Variants in SUMF1 observed in about 807,000 individuals in gnomAD.
The protein encoded by SUMF1 is sulfatase modifying factor 1.
SUMF1 carries 48 observed loss-of-function variants against 47.6 expected under a neutral mutation model. The ratio of observed to expected loss-of-function variants is 1.01; its 90% confidence interval spans 0.80 to 1.28. The LOEUF is 1.28. Ranked by LOEUF, SUMF1 falls within the 50% of genes most tolerant of loss-of-function variation. The probability of loss-of-function intolerance (pLI) is 0.00; values close to 1 mark genes in which losing one functional copy is unlikely to be tolerated. For synonymous variants in SUMF1, 230 were observed against 192.1 expected (o/e 1.20, Z -1.63); for missense variants, 571 against 485.4 (o/e 1.18, Z -1.66).
intron 8 of SUMF1, among the ~76,000 whole-genome samples, chr3:4,219,217 AATAC>A (rs1400272632): frequency 6.6e-6 from 1 of 152,216 alleles, no homozygotes; most frequent in African/African-American, 2.4e-5. Context: ...CATATAAATA[AATAC>A]AAAGTACCTT....
At chr3:4,146,712 G>A (rs1189473319) in intron 8 of SUMF1, among the ~76,000 whole-genome samples, 1 of 139,500 alleles carries the variant, frequency 7.2e-6, no homozygotes, top group Admixed American at 7.5e-5. Flanking sequence ...ACAGGCCCCA[G>A]TGTGTGATGT....
chr3:4,109,406 G>C (rs554174251), intron 8 of SUMF1, among the ~76,000 whole-genome samples: 1 of 152,098 alleles, frequency 6.6e-6, no homozygotes, highest in Non-Finnish European at 1.5e-5. Context: ...ATGTGTCTTG[G>C]AGTTGCTCTT....
At chr3:4,138,417 T>C (rs746970333) in intron 8 of SUMF1, among the ~76,000 whole-genome samples, 2 of 152,120 alleles carry the variant, frequency 1.3e-5, no homozygotes, top group Non-Finnish European at 2.9e-5. Flanking sequence ...TGATTTATGA[T>C]GGGGGCTTTT....
At position 4,173,606 on chromosome 3, in the gene SUMF1, A is replaced by G. The variant is rs547680875; in HGVS notation, c.1015-104861T>C. ...TATGTTTATTGAAGCACTATTCACA[A>G]TAGTAAAGATTTGGAACCAATCCAA... On this transcript the variant is annotated intron_variant and NMD_transcript_variant, in intron 8 of 12. Transcript: ENST00000448413. Among the ~76,000 whole-genome samples, 58 of 152,196 alleles carry G rather than the reference A, an allele frequency of 3.8e-4. 2 individuals are homozygous for G. Among genetic ancestry groups the G allele is most frequent in the Admixed American group, 3.6e-3 (55 of 15,278 alleles).
intron 8 of SUMF1, among the ~76,000 whole-genome samples, chr3:4,367,540 C>G (rs1395809137): frequency 6.6e-6 from 1 of 151,560 alleles, no homozygotes; most frequent in African/African-American, 2.4e-5. Context: ...CAATCCTAAG[C>G]CAAAAGAACA....
intron 8 of SUMF1, among the ~76,000 whole-genome samples, chr3:4,103,377 A>G (rs1212759509): frequency 6.6e-6 from 1 of 152,118 alleles, no homozygotes; most frequent in Non-Finnish European, 1.5e-5. Flanking sequence ...CTTGGCCTCT[A>G]AAAGGAATAC....
At chr3:4,389,183 A>G (rs1700770464) in intron 7 of SUMF1, among the ~76,000 whole-genome samples, 1 of 152,120 alleles carries the variant, frequency 6.6e-6, no homozygotes, top group Non-Finnish European at 1.5e-5. Context: ...TTTATCTGAG[A>G]ATATCTTGAT....
chr3:4,301,075 G>T (rs1031831110), intron 8 of SUMF1, among the ~76,000 whole-genome samples: 5 of 152,066 alleles, frequency 3.3e-5, no homozygotes, highest in African/African-American at 1.2e-4. Context: ...ACATTAAATA[G>T]TTGCAGGGAA....
At chr3:4,095,347 G>A (rs945868019) in intron 8 of SUMF1, among the ~76,000 whole-genome samples, 2 of 152,092 alleles carry the variant, frequency 1.3e-5, no homozygotes, top group South Asian at 2.1e-4. Flanking sequence ...CTCTATGAAT[G>A]TAAAATGCCA....
intron 8 of SUMF1, among the ~76,000 whole-genome samples, chr3:4,160,941 C>A (rs369596881): frequency 6.6e-5 from 10 of 152,196 alleles, no homozygotes; most frequent in African/African-American, 2.2e-4. Flanking sequence ...ACAGTTTGGG[C>A]TTCACAGATG....
At chr3:4,108,413 G>A (rs967910170) in intron 8 of SUMF1, among the ~76,000 whole-genome samples, 1 of 152,104 alleles carries the variant, frequency 6.6e-6, no homozygotes, top group African/African-American at 2.4e-5. Context: ...ATTTGGGGTG[G>A]AGAGTTCTGT....
chr3:4,434,474 C>A (rs956872634), intron 3 of SUMF1, among the ~76,000 whole-genome samples: 1 of 152,034 alleles, frequency 6.6e-6, no homozygotes, highest in Non-Finnish European at 1.5e-5. Flanking sequence ...CTTATAAATG[C>A]GCAACAGTAA....
chr3:4,386,497 T>C (rs1487267956), intron 7 of SUMF1, among the ~76,000 whole-genome samples: 1 of 152,160 alleles, frequency 6.6e-6, no homozygotes, highest in Non-Finnish European at 1.5e-5. Flanking sequence ...AAGATTTTGG[T>C]AGATTCCTTG....
chr3:4,123,439 G>C (rs940843103), intron 8 of SUMF1, among the ~76,000 whole-genome samples: 1 of 152,152 alleles, frequency 6.6e-6, no homozygotes, highest in African/African-American at 2.4e-5. Context: ...TGTTTGTTTA[G>C]TTTGGTTTTG....
Position 4,218,038 on chromosome 3 carries a change from C to T in SUMF1, c.1015-149293G>A, listed in dbSNP as rs369690595. Among the ~76,000 whole-genome samples the T allele has an allele frequency of 1.3e-4, 19 of 151,596 alleles. No homozygotes were observed. In the South Asian group the frequency reaches 3.1e-3, roughly 25 times the overall value. ...CGACATAGTGGTCACTTCTCGAAAG[C>T]GAAGGAGAGAAACAAGAATGAGGAG... On this transcript the variant is annotated intron_variant and NMD_transcript_variant, in intron 8 of 12. Transcript: ENST00000448413.
At chr3:4,318,513 T>C (rs1269768668) in intron 8 of SUMF1, among the ~76,000 whole-genome samples, 1 of 152,196 alleles carries the variant, frequency 6.6e-6, no homozygotes, top group East Asian at 1.9e-4. Flanking sequence ...GACTGAAAGC[T>C]CTTATCCTAA....
intron 8 of SUMF1, among the ~76,000 whole-genome samples, chr3:4,233,734 T>G (rs547096582): frequency 6.6e-6 from 1 of 152,276 alleles, no homozygotes; most frequent in Admixed American, 6.5e-5. Context: ...AGGGAGTCCC[T>G]GAACCTATGT....
chr3:4,355,498 G>T (rs544786101), intron 8 of SUMF1, among the ~76,000 whole-genome samples: 1 of 152,274 alleles, frequency 6.6e-6, no homozygotes, highest in South Asian at 2.1e-4. Context: ...GCAACCAATG[G>T]CTCTTCACCA....
downstream of SUMF1, among the ~76,000 whole-genome samples, chr3:4,359,077 G>C (rs1439653721): frequency 6.6e-6 from 1 of 152,196 alleles, no homozygotes; most frequent in Non-Finnish European, 1.5e-5. Flanking sequence ...TGTGTACAAT[G>C]TCACAGAAAG....
Sources: allele counts gnomAD v4.1 joint callset (sites outside exome capture counted in the v4.1 genomes callset), GRCh38; gene constraint gnomAD v4.1.1; transcripts MANE v1.5; gene names NCBI Gene and HGNC (gene_info 2026-07-23, HGNC 2026-07-21).